ZNF469: variants seen among roughly 807,000 people sequenced by gnomAD.
ZNF469 encodes zinc finger protein 469.
ZNF469 carries 1 observed loss-of-function variant against 1.0 expected under a neutral mutation model. The ratio of observed to expected loss-of-function variants is 1.00; its 90% confidence interval spans 0.35 to 4.73. ZNF469 has a LOEUF of 4.73. Among genes scored for constraint, ZNF469 ranks in the 30% most tolerant of loss-of-function variants. The pLI, the probability that ZNF469 is intolerant of heterozygous loss-of-function variation, is 0.16. For synonymous variants in ZNF469, 2,703 were observed against 2,363.4 expected (o/e 1.14, Z -4.17); for missense variants, 6,100 against 5,356.3 (o/e 1.14, Z -4.33).
intron 1 of ZNF469, among the ~76,000 whole-genome samples, chr16:88,413,179 T>G (rs1318510068): frequency 6.6e-6 from 1 of 152,192 alleles, no homozygotes; most frequent in East Asian, 1.9e-4. Flanking sequence ...CGCACGCACG[T>G]GATAAATGGG....
chr16:88,134,492 G>A, the ZNF469 span, among the ~76,000 whole-genome samples: 1,233 of 152,318 alleles, frequency 8.1e-3, 20 homozygotes, highest in African/African-American at 0.027. Context: ...GCAATGAGCC[G>A]TGTTGCAATG....
chr16:88,238,233 T>C, the ZNF469 span, among the ~76,000 whole-genome samples: 20 of 152,158 alleles, frequency 1.3e-4, no homozygotes, highest in East Asian at 5.9e-4. Context: ...TCTGCTGAAC[T>C]GCATGGTAGG....
the ZNF469 span, among the ~76,000 whole-genome samples, chr16:88,161,775 G>A: frequency 9.2e-5 from 14 of 152,310 alleles, no homozygotes; most frequent in East Asian, 1.4e-3. Flanking sequence ...CTGCAAAACC[G>A]AGGGACAGCC....
At position 88,434,349 on chromosome 16, in the gene ZNF469, C is replaced by A; in HGVS notation, c.6879C>A (p.Thr2293=). The A allele has an allele frequency of 1.3e-6, 2 of 1,550,182 alleles. No homozygotes were observed. Among genetic ancestry groups the A allele is most frequent in the South Asian group, 2.4e-5 (2 of 84,060 alleles). The change falls in exon 3 of 3, where the codon ACC becomes ACA. Residue 2293 remains threonine, a synonymous_variant. Coordinates refer to ENST00000565624, the MANE Select transcript of ZNF469 (RefSeq NM_001367624.2). ...CTACTGGCCTGTCCAGCACTCCCACCGGAGATGAGGCACAGGCAGGCAGGG... is the reference window on the plus strand; with the variant it reads ...CTACTGGCCTGTCCAGCACTCCCACAGGAGATGAGGCACAGGCAGGCAGGG... The part of the protein sequence containing the change: ...VRATGLSSTP[T]GDEAQAGRGL...
At chr16:88,217,427 T>C in the ZNF469 span, among the ~76,000 whole-genome samples, 1 of 152,178 alleles carries the variant, frequency 6.6e-6, no homozygotes. Flanking sequence ...CTTGTGACTG[T>C]GTTGAAATTT....
chr16:88,109,158 C>T, the ZNF469 span, among the ~76,000 whole-genome samples: 1 of 152,336 alleles, frequency 6.6e-6, no homozygotes, highest in African/African-American at 2.4e-5. Context: ...ATGCCTTCTC[C>T]TGGGAGCAGC....
chr16:88,436,591 C>T lies in ZNF469; in HGVS notation c.9121C>T (p.Leu3041Phe). 6.5e-7 allele frequency: 1 copy of T among 1,550,204 alleles called. No homozygotes were observed. Among genetic ancestry groups the T allele is most frequent in the Non-Finnish European group, 8.7e-7 (1 of 1,146,954 alleles). Reference protein sequence around the residue: ...GLPGNTHLLPLRATDFEVLST... With the variant: ...GLPGNTHLLPFRATDFEVLST... The stretch of plus-strand genomic sequence containing the variant: ...TCCCGGGAACACCCACCTGCTGCCG[C>T]TCCGTGCCACGGACTTTGAGGTGCT... Residue 3041 changes from leucine (L) to phenylalanine (F), a missense_variant, in exon 3 of 3, where the codon CTC (leucine) becomes TTC (phenylalanine). Transcript: ENST00000565624.
the ZNF469 span, among the ~76,000 whole-genome samples, chr16:88,150,717 G>T: frequency 6.8e-6 from 1 of 146,824 alleles, no homozygotes. Flanking sequence ...CGATTCGGGA[G>T]CTTTGAGCTT....
the ZNF469 span, among the ~76,000 whole-genome samples, chr16:88,358,574 C>T: frequency 2.6e-5 from 4 of 152,260 alleles, no homozygotes; most frequent in African/African-American, 7.2e-5. Flanking sequence ...ATTTTATTTC[C>T]ATCAGTGACA....
the ZNF469 span, among the ~76,000 whole-genome samples, chr16:88,108,923 C>T: frequency 5.9e-5 from 9 of 152,168 alleles, no homozygotes; most frequent in African/African-American, 9.7e-5. Context: ...AAAGACATCT[C>T]GACGGCAGCC....
At chr16:88,153,690 G>T in the ZNF469 span, among the ~76,000 whole-genome samples, 2 of 152,256 alleles carry the variant, frequency 1.3e-5, no homozygotes, top group African/African-American at 2.4e-5. Flanking sequence ...GGCGCTTGCT[G>T]CTGAGAGTTC....
chr16:88,380,482 C>T (rs966123992), upstream of ZNF469, among the ~76,000 whole-genome samples: 3 of 136,956 alleles, frequency 2.2e-5, no homozygotes, highest in African/African-American at 2.7e-5. Flanking sequence ...CTCACACATA[C>T]GTGCACACAC....
chr16:88,253,133 G>C, the ZNF469 span, among the ~76,000 whole-genome samples: 155 of 152,304 alleles, frequency 1.0e-3, 3 homozygotes, highest in Admixed American at 9.6e-3. Context: ...TCTTTGGAAT[G>C]TTAGAGGGGT....
the ZNF469 span, among the ~76,000 whole-genome samples, chr16:88,221,490 C>T: frequency 3.9e-5 from 6 of 152,260 alleles, no homozygotes; most frequent in African/African-American, 1.2e-4. Context: ...AGCAAGAATG[C>T]ATGGTCTCAG....
the ZNF469 span, among the ~76,000 whole-genome samples, chr16:88,158,451 A>G: frequency 6.6e-6 from 1 of 152,074 alleles, no homozygotes; most frequent in Non-Finnish European, 1.5e-5. Context: ...GGAGGGTGGG[A>G]GAGCTCAGGC....
the ZNF469 span, among the ~76,000 whole-genome samples, chr16:88,204,162 G>A: frequency 5.5e-4 from 83 of 150,014 alleles, no homozygotes; most frequent in African/African-American, 1.9e-3. Flanking sequence ...AGCCGGAGGC[G>A]CCCCGTAACC....
the ZNF469 span, among the ~76,000 whole-genome samples, chr16:88,266,622 AAGG>A: frequency 6.6e-6 from 1 of 152,204 alleles, no homozygotes; most frequent in Non-Finnish European, 1.5e-5. Flanking sequence ...TTTTACAAGA[AAGG>A]AGAAGGTTAC....
At chr16:88,219,846 C>G in the ZNF469 span, among the ~76,000 whole-genome samples, 7 of 152,342 alleles carry the variant, frequency 4.6e-5, no homozygotes, top group Admixed American at 3.9e-4. Flanking sequence ...GCTCTTTCCT[C>G]TGTCCCCAGA....
At chr16:88,112,425 C>T in the ZNF469 span, among the ~76,000 whole-genome samples, 3 of 152,190 alleles carry the variant, frequency 2.0e-5, no homozygotes, top group Admixed American at 6.5e-5. Context: ...TTCCCTTTTC[C>T]CACATCCTTG....
Sources: allele counts gnomAD v4.1 joint callset (sites outside exome capture counted in the v4.1 genomes callset), GRCh38; gene constraint gnomAD v4.1.1; transcripts MANE v1.5; gene names NCBI Gene and HGNC (gene_info 2026-07-23, HGNC 2026-07-21).